Variants in PLPPR1 observed in about 807,000 individuals in gnomAD.
The protein encoded by PLPPR1 is phospholipid phosphatase-related protein type 1.
In PLPPR1, 10 loss-of-function variants were observed where a neutral mutation model predicts 33.1. That is an observed-to-expected ratio of 0.30 (90% CI 0.19 to 0.51). The LOEUF (loss-of-function observed/expected upper bound fraction) is 0.51. PLPPR1 is among the 20% of genes least tolerant of loss of function. PLPPR1 has a pLI of 0.97. For synonymous variants in PLPPR1, 151 were observed against 151.0 expected, an observed-to-expected ratio of 1.00 and a Z score of 0.00; for missense variants, 304 against 408.1, an observed-to-expected ratio of 0.74 and a Z score of 2.20.
At chr9:101,109,027 C>T (rs1377556901) in intron 1 of PLPPR1, among the ~76,000 whole-genome samples, 9 of 147,980 alleles carry the variant, frequency 6.1e-5, no homozygotes, top group African/African-American at 1.8e-4. Context: ...GGCGCGATCT[C>T]GGCTCACTGC....
At chr9:101,145,823 T>G (rs1245623680) in intron 1 of PLPPR1, among the ~76,000 whole-genome samples, 3 of 139,722 alleles carry the variant, frequency 2.1e-5, no homozygotes, top group Non-Finnish European at 3.0e-5. Flanking sequence ...CTGGGCAACA[T>G]GGCAAGACCC....
intron 2 of PLPPR1, among the ~76,000 whole-genome samples, chr9:101,225,969 G>A (rs577013458): frequency 2.3e-4 from 35 of 151,960 alleles, no homozygotes; most frequent in African/African-American, 6.7e-4. Flanking sequence ...GTCATTTTTC[G>A]TAGATCGTAC....
chr9:101,127,240 C>G (rs977669346), intron 1 of PLPPR1, among the ~76,000 whole-genome samples: 3 of 152,214 alleles, frequency 2.0e-5, no homozygotes, highest in African/African-American at 7.2e-5. Flanking sequence ...CGTTCCTTCA[C>G]CAGGGTCTTT....
chr9:101,238,273 A>G (rs1344742566), intron 2 of PLPPR1, among the ~76,000 whole-genome samples: 1 of 136,032 alleles, frequency 7.4e-6, no homozygotes, highest in African/African-American at 2.7e-5. Flanking sequence ...CACCCTATAT[A>G]TACATCCTAT....
intron 1 of PLPPR1, among the ~76,000 whole-genome samples, chr9:101,095,782 A>G (rs989419603): frequency 6.6e-6 from 1 of 152,180 alleles, no homozygotes; most frequent in African/African-American, 2.4e-5. Flanking sequence ...AACACTTGGG[A>G]CACACAGAGA....
At chr9:101,286,290 A>G in intron 4 of PLPPR1, 54 bp downstream of exon 4, 1 of 1,502,412 alleles carries the variant, frequency 6.7e-7, no homozygotes, top group Non-Finnish European at 9.1e-7. Context: ...AAATTACTAA[A>G]GGCAAACACT....
chr9:101,106,245 G>A (rs1293293249), intron 1 of PLPPR1, among the ~76,000 whole-genome samples: 10 of 144,716 alleles, frequency 6.9e-5, no homozygotes, highest in South Asian at 2.4e-4. Flanking sequence ...TCCTAGTCTC[G>A]ATGGTCTTTA....
intron 3 of PLPPR1, among the ~76,000 whole-genome samples, chr9:101,274,377 G>A (rs901100293): frequency 2.0e-5 from 3 of 152,150 alleles, no homozygotes; most frequent in Admixed American, 2.0e-4. Flanking sequence ...TTTGCTGAAG[G>A]TTCCACCTGG....
intron 1 of PLPPR1, among the ~76,000 whole-genome samples, chr9:101,184,512 A>G (rs540794315): frequency 3.2e-4 from 49 of 152,038 alleles, no homozygotes; most frequent in African/African-American, 1.1e-3. Context: ...AACTGTTGGT[A>G]GGGATGACAG....
At chr9:101,135,909 TA>T (rs1209992288) in intron 1 of PLPPR1, among the ~76,000 whole-genome samples, 1 of 152,192 alleles carries the variant, frequency 6.6e-6, no homozygotes, top group Non-Finnish European at 1.5e-5. Context: ...TCCTGTCCAT[TA>T]ACACACCCAA....
At chr9:101,290,259 C>T (rs1447766906) in intron 4 of PLPPR1, among the ~76,000 whole-genome samples, 1 of 152,180 alleles carries the variant, frequency 6.6e-6, no homozygotes, top group Non-Finnish European at 1.5e-5. Flanking sequence ...AAAATACATA[C>T]TACGCAATTG....
intron 2 of PLPPR1, among the ~76,000 whole-genome samples, chr9:101,267,864 C>T (rs1828025103): frequency 6.6e-6 from 1 of 152,080 alleles, no homozygotes; most frequent in Admixed American, 6.5e-5. Context: ...TATAATGTGT[C>T]TCAAGTACAA....
intron 2 of PLPPR1, among the ~76,000 whole-genome samples, chr9:101,215,607 T>TGTACTTATGTACTTATGTACTTATGTAC (rs1826777975): frequency 6.6e-6 from 1 of 152,176 alleles, no homozygotes; most frequent in South Asian, 2.1e-4. Context: ...TATGTACTCA[T>TGTACTTATGTACTTATGTACTTATGTAC]TTAATCATCC....
At chr9:101,202,165 C>T (rs16920059) in intron 2 of PLPPR1, among the ~76,000 whole-genome samples, 3,937 of 152,228 alleles carry the variant, frequency 0.026, 181 homozygotes, top group African/African-American at 0.09. Flanking sequence ...ATTGTATAAG[C>T]AATCACAAAT....
At chr9:101,225,665 A>G (rs1009265836) in intron 2 of PLPPR1, among the ~76,000 whole-genome samples, 1 of 151,840 alleles carries the variant, frequency 6.6e-6, no homozygotes, top group Non-Finnish European at 1.5e-5. Flanking sequence ...TCACACACCC[A>G]TGCTTACACA....
chr9:101,243,602 C>T (rs1287875905), intron 2 of PLPPR1, among the ~76,000 whole-genome samples: 1 of 151,516 alleles, frequency 6.6e-6, no homozygotes, highest in Non-Finnish European at 1.5e-5. Context: ...GAGGAGCCTT[C>T]AGGAGGTGGA....
At chr9:101,243,753 T>C (rs755183463) in intron 2 of PLPPR1, among the ~76,000 whole-genome samples, 5 of 151,898 alleles carry the variant, frequency 3.3e-5, no homozygotes, top group Non-Finnish European at 7.4e-5. Context: ...TCTAGGTCTG[T>C]GAATCATCAA....
At chr9:101,315,698 G>A (rs1412602131) in intron 6 of PLPPR1, among the ~76,000 whole-genome samples, 1 of 152,160 alleles carries the variant, frequency 6.6e-6, no homozygotes, top group Non-Finnish European at 1.5e-5. Flanking sequence ...CCACCCTGTT[G>A]GCACATGCAT....
At chr9:101,146,176 G>A (rs771015971) in intron 1 of PLPPR1, among the ~76,000 whole-genome samples, 1 of 152,052 alleles carries the variant, frequency 6.6e-6, no homozygotes, top group Non-Finnish European at 1.5e-5. Context: ...CTCTTGCTTT[G>A]AGGAACTATA....
Sources: allele counts gnomAD v4.1 joint callset (sites outside exome capture counted in the v4.1 genomes callset), GRCh38; gene constraint gnomAD v4.1.1; transcripts MANE v1.5; gene names NCBI Gene and HGNC (gene_info 2026-07-23, HGNC 2026-07-21).